The following FXR2 variants were observed in gnomAD, a reference collection of about 807,000 sequenced individuals.
The protein encoded by FXR2 is FMR1 autosomal homolog 2.
In FXR2, 9 loss-of-function variants were observed where a neutral mutation model predicts 87.3. That is an observed-to-expected ratio of 0.10 (90% CI 0.06 to 0.18). FXR2 has a LOEUF of 0.18. Ranked by LOEUF, FXR2 falls within the 10% of genes least tolerant of loss-of-function variation. The pLI is 1.00. For missense variants in FXR2, 661 were observed against 893.6 expected (o/e 0.74, Z 3.32); for synonymous variants, 331 against 328.3 (o/e 1.01, Z -0.09).
At position 7,609,957 on chromosome 17, in the gene FXR2, T is replaced by TATATACATGTATATGTATAC. The variant is rs1567753828; in HGVS notation, c.82-3809_82-3808insGTATACATATACATGTATAT. ...ATATATATACATGTATATGTATACA[T>TATATACATGTATATGTATAC]ATATATACATGTATATGTATACATA... On this transcript the variant is annotated intron_variant, in intron 1 of 16. Coordinates refer to ENST00000250113, the MANE Select transcript of FXR2 (RefSeq NM_004860.4). Among the ~76,000 whole-genome samples the TATATACATGTATATGTATAC allele has an allele frequency of 9.0e-3, 546 of 60,758 alleles. 8 individuals carry two copies. The highest frequency in any genetic ancestry group is 0.024 in the Middle Eastern group (2 of 82). 39.9% of individuals were successfully genotyped at this position (60,758 alleles called of 152,430 possible).
At position 7,596,000 on chromosome 17, in the gene FXR2, A is replaced by G. The variant is rs762941211; in HGVS notation, c.661-6T>C. 6.2e-7 allele frequency: 1 copy of G among 1,611,238 alleles called. No individual in the cohort carries two copies. Among genetic ancestry groups the G allele is most frequent in the South Asian group, 1.1e-5 (1 of 90,998 alleles). ...GCTGCCAACTGCTTGCTTGTCTGAAAGGAAAAGTCACTGTAGGAATCATGG... is the reference window on the plus strand; with the variant it reads ...GCTGCCAACTGCTTGCTTGTCTGAAGGGAAAAGTCACTGTAGGAATCATGG... On this transcript the variant is annotated splice_polypyrimidine_tract_variant and splice_region_variant and intron_variant, in intron 7 of 16. Transcript: ENST00000250113. This position sits in a 1 kb window ranked among gnomAD's most constrained non-coding sequence, Gnocchi z 4.7.
chr17:7,593,452 G>A lies in FXR2; in HGVS notation c.1281C>T (p.Gly427=). ...GGCCACGGCCACGGCCCCCATAGCT[G>A]CCCCCATAGGTTCGAGTCGCATGGA... is the stretch of plus-strand genomic sequence containing the variant. The part of the protein sequence containing the change: ...SSLHATRTYG[G]SYGGRGRGRR... Residue 427 remains glycine (G), a synonymous_variant, in exon 12 of 17, where the codon GGC becomes GGT. Transcript: ENST00000250113. This position sits in a 1 kb window ranked among gnomAD's most constrained non-coding sequence, Gnocchi z 6.1. 6.3e-7 allele frequency: 1 copy of A among 1,589,544 alleles called. No individual in the cohort carries two copies.
chr17:7,594,633 A>G lies in FXR2; in HGVS notation c.910+46T>C, dbSNP rs766610782. On this transcript the variant is annotated intron_variant, in intron 9 of 16. Coordinates refer to ENST00000250113, the MANE Select transcript of FXR2 (RefSeq NM_004860.4). This position sits in a 1 kb window ranked among gnomAD's most constrained non-coding sequence, Gnocchi z 5.1. ...ATAAAAGCTCAGAATCACTGTAGAG[A>G]ATCTTGATTCTGACCTCTAACTGTA... 1 of 1,165,710 alleles carries G rather than the reference A, an allele frequency of 8.6e-7. No individual in the cohort carries two copies. Among genetic ancestry groups the G allele is most frequent in the South Asian group, 1.2e-5 (1 of 81,882 alleles). The allele number at this position is 1,165,710 out of a possible 1,614,324, so 72.2% of individuals were successfully genotyped here. A position where few individuals can be genotyped will look rare whatever the true frequency, so the allele number is the denominator to read the frequency against.
At chr17:7,613,826 A>ATGCC (rs796498805) in intron 1 of FXR2, 3 of 347,328 alleles carry the variant, frequency 8.6e-6, no homozygotes, top group African/African-American at 6.4e-5. Context: ...CTTGCGAAAG[A>ATGCC]TGCCACCTTA....
Position 7,595,595 on chromosome 17 carries a change from C to T in FXR2, c.831+229G>A, listed in dbSNP as rs916078023. ...TCCCAAGTACCTGCGACTACAGGTA[C>T]GCACCACTACTTCCAGCTAATTTTT... On this transcript the variant is annotated intron_variant, in intron 8 of 16. Transcript: ENST00000250113. This position sits in a 1 kb window ranked among gnomAD's most constrained non-coding sequence, Gnocchi z 4.7. Among the ~76,000 whole-genome samples, 3 of 152,010 alleles carry T rather than the reference C, an allele frequency of 2.0e-5. No homozygotes were observed. The highest frequency in any genetic ancestry group is 6.6e-5 in the Admixed American group (1 of 15,254).
At chr17:7,606,237 C>G (rs1348164547) in intron 1 of FXR2, 88 bp from the exon 2 acceptor site, 3 of 849,406 alleles carry the variant, frequency 3.5e-6, no homozygotes, top group Non-Finnish European at 5.7e-6. Flanking sequence ...ACCACAAAAC[C>G]TTAAACTTGA....
At chr17:7,614,011 G>A (rs751765397) in intron 1 of FXR2, 5 of 457,306 alleles carry the variant, frequency 1.1e-5, no homozygotes, top group South Asian at 6.2e-5. Context: ...GAAGATGAAA[G>A]GATCTTTTAC....
chr17:7,596,274 C>T (rs1467136062), intron 7 of FXR2: 5 of 269,574 alleles, frequency 1.9e-5, no homozygotes, highest in East Asian at 8.8e-5. Flanking sequence ...TCTCATGCCT[C>T]GGCCTCCTGA....
intron 7 of FXR2, among the ~76,000 whole-genome samples, chr17:7,599,563 T>C (rs540240014): frequency 6.6e-6 from 1 of 152,218 alleles, no homozygotes; most frequent in African/African-American, 2.4e-5. Flanking sequence ...GATGTCAGAA[T>C]TCAAAAAGAT....
At position 7,604,625 on chromosome 17, in the gene FXR2, A is replaced by G. The variant is rs568242588; in HGVS notation, c.229-545T>C. Among the ~76,000 whole-genome samples, 28 of 145,534 alleles carry G rather than the reference A, an allele frequency of 1.9e-4. 1 individual carries two copies. Among genetic ancestry groups the G allele is most frequent in the Admixed American group, 1.3e-3 (19 of 14,608 alleles). ...GAGAATCACTTGAACCAGGAGGTGG[A>G]GGTTGCAGTGAGCTGAGACCGCGCC... On this transcript the variant is annotated intron_variant, in intron 3 of 16. Coordinates refer to ENST00000250113, the MANE Select transcript of FXR2 (RefSeq NM_004860.4).
chr17:7,600,208 T>C (rs1251839663), intron 7 of FXR2, among the ~76,000 whole-genome samples: 2 of 146,620 alleles, frequency 1.4e-5, no homozygotes, highest in Non-Finnish European at 3.0e-5. Flanking sequence ...CATATCCTTT[T>C]TTTCTTTGAG....
intron 3 of FXR2, 43 bp downstream of exon 3, chr17:7,605,601 TG>T: frequency 2.0e-6 from 2 of 1,000,290 alleles, no homozygotes; most frequent in Non-Finnish European, 3.1e-6. Context: ...CCTAGAATCC[TG>T]GGGAAAAGTG....
chr17:7,603,384 G>C (rs1043564788), intron 5 of FXR2, among the ~76,000 whole-genome samples: 3 of 151,648 alleles, frequency 2.0e-5, no homozygotes, highest in African/African-American at 7.3e-5. Flanking sequence ...AAAATTAGCC[G>C]GGTGTGGTGG....
chr17:7,598,455 A>AAAAACAAAAC (rs752936331), intron 7 of FXR2, among the ~76,000 whole-genome samples: 8 of 152,268 alleles, frequency 5.3e-5, no homozygotes, highest in Admixed American at 3.3e-4. Context: ...ACTCCGTCTC[A>AAAAACAAAAC]AAAACAAAAC....
chr17:7,607,649 G>C (rs1206939875), intron 1 of FXR2, among the ~76,000 whole-genome samples: 1 of 151,918 alleles, frequency 6.6e-6, no homozygotes, highest in Non-Finnish European at 1.5e-5. Context: ...GGTTGGTCTC[G>C]AACTCCTGAC....
chr17:7,598,539 C>T (rs2071726534), intron 7 of FXR2, among the ~76,000 whole-genome samples: 1 of 152,106 alleles, frequency 6.6e-6, no homozygotes, highest in African/African-American at 2.4e-5. Context: ...AATAAAATCC[C>T]CCCTCCTCAG....
intron 1 of FXR2, among the ~76,000 whole-genome samples, chr17:7,609,050 G>C (rs1462112732): frequency 6.6e-6 from 1 of 152,174 alleles, no homozygotes; most frequent in Admixed American, 6.6e-5. Context: ...TCGAGGCTGT[G>C]ATGAGCTGTG....
At chr17:7,611,416 C>T (rs1388371588) in intron 1 of FXR2, among the ~76,000 whole-genome samples, 1 of 152,256 alleles carries the variant, frequency 6.6e-6, no homozygotes, top group African/African-American at 2.4e-5. Context: ...GCCTGTAATC[C>T]CAGCACCTTG....
Position 7,603,827 on chromosome 17 carries a change from G to T in FXR2, c.379C>A (p.Pro127Thr). Residue 127 changes from proline to threonine, a missense_variant, in exon 5 of 17, where the codon CCC becomes ACC. This residue lies in a region of FXR2 where 170 missense variants were observed against 247.2 expected (regional missense o/e 0.69). Transcript: ENST00000250113. ...VTLERLRPVN[P>T]NPLATKGSFF... Reference sequence around the variant, plus strand: ...CTGCCTTTGGTTGCAAGGGGATTGGGATTAACTGGCCGAAGTCGCTCCAGG... The same window carrying T: ...CTGCCTTTGGTTGCAAGGGGATTGGTATTAACTGGCCGAAGTCGCTCCAGG... 1 of 1,613,926 alleles carries T rather than the reference G, an allele frequency of 6.2e-7. No homozygotes were observed. Among genetic ancestry groups the T allele is most frequent in the East Asian group, 2.2e-5 (1 of 44,886 alleles).
Sources: allele counts gnomAD v4.1 joint callset (sites outside exome capture counted in the v4.1 genomes callset), GRCh38; gene constraint gnomAD v4.1.1; regional missense constraint gnomAD v4.1.1; non-coding constraint Gnocchi (gnomAD v3.1); transcripts MANE v1.5; gene names NCBI Gene and HGNC (gene_info 2026-07-23, HGNC 2026-07-21).